The following ADAMTS2 variants were observed in gnomAD, a reference collection of about 807,000 sequenced individuals.
ADAMTS2 encodes A disintegrin and metalloproteinase with thrombospondin motifs 2.
Under a neutral mutation model 123.0 loss-of-function variants are expected in ADAMTS2, and 50 were observed. The ratio of observed to expected loss-of-function variants is 0.41; its 90% CI spans 0.32 to 0.51. ADAMTS2 has a LOEUF of 0.51. Ranked by LOEUF, ADAMTS2 falls within the 20% of genes least tolerant of loss-of-function variation. The pLI, the probability that ADAMTS2 is intolerant of heterozygous loss-of-function variation, is 0.35. For missense variants in ADAMTS2, 1,494 were observed against 1,705.2 expected (o/e 0.88, Z 2.18); for synonymous variants, 678 against 695.4 (o/e 0.98, Z 0.39).
At chr5:179,257,483 C>T (rs547412721) in intron 3 of ADAMTS2, among the ~76,000 whole-genome samples, 2 of 152,254 alleles carry the variant, frequency 1.3e-5, no homozygotes, top group Admixed American at 6.5e-5. Flanking sequence ...GGGGCTGCTC[C>T]GAACCCGGCG....
rs146575893 is a variant in ADAMTS2, at chr5:179,326,629, G to T, written c.534+17138C>A. Among the ~76,000 whole-genome samples, 385 of 152,262 alleles carry T rather than the reference G, an allele frequency of 2.5e-3. 2 individuals are homozygous for T. Among genetic ancestry groups the T allele is most frequent in the South Asian group, 8.9e-3 (43 of 4,828 alleles). On this transcript the variant is annotated intron_variant, in intron 2 of 21. Transcript: ENST00000251582. ...GCCATCAGGAAAATATGATCTTGTA[G>T]TAACAGGCCCTTCGCTGCTCAGTGC... is the stretch of plus-strand genomic sequence containing the variant.
chr5:179,163,946 G>A (rs1357616757), intron 5 of ADAMTS2, among the ~76,000 whole-genome samples: 1 of 152,112 alleles, frequency 6.6e-6, no homozygotes, highest in Admixed American at 6.5e-5. Context: ...ATGGGCACAG[G>A]GAGGGGAAGC....
intron 5 of ADAMTS2, among the ~76,000 whole-genome samples, chr5:179,179,328 A>G (rs891918460): frequency 2.0e-5 from 3 of 150,332 alleles, no homozygotes; most frequent in African/African-American, 7.4e-5. Flanking sequence ...CCCCACCCCT[A>G]CTTTTAGGCA....
Position 179,247,443 on chromosome 5 carries a change from A to AG in ADAMTS2, c.688+25467dup, listed in dbSNP as rs915402054. On this transcript the variant is annotated intron_variant, in intron 3 of 21. Coordinates refer to ENST00000251582, the MANE Select transcript of ADAMTS2 (RefSeq NM_014244.5). ...TTCAAGAAAGAGAATAGAGAAACAA[A>AG]GGGGCATAAAGAATGTTTGAAAAAA... Among the ~76,000 whole-genome samples the AG allele has an allele frequency of 4.4e-4, 67 of 152,298 alleles. 1 individual carries two copies. Among genetic ancestry groups the AG allele is most frequent in the African/African-American group, 1.6e-3 (66 of 41,576 alleles).
chr5:179,282,946 G>A (rs1233165448), intron 2 of ADAMTS2, among the ~76,000 whole-genome samples: 4 of 152,078 alleles, frequency 2.6e-5, no homozygotes, highest in Admixed American at 1.3e-4. Context: ...CTAACCAGGT[G>A]AGCCACTGTG....
chr5:179,338,214 G>C (rs1427133561), intron 2 of ADAMTS2, among the ~76,000 whole-genome samples: 1 of 152,132 alleles, frequency 6.6e-6, no homozygotes, highest in East Asian at 1.9e-4. Context: ...GCTGGGAGCC[G>C]GCTCCACTCT....
Position 179,273,046 on chromosome 5 carries a change from C to G in ADAMTS2, c.553G>C (p.Glu185Gln). Residue 185 changes from glutamate to glutamine, a missense_variant, in exon 3 of 22, where the codon GAG becomes CAG. Glu to Gln is a conservative substitution (Grantham distance 29). Transcript: ENST00000251582. ...CDGLAGLIRMEEEEFFIEPLE... is the reference protein window; with the variant it reads ...CDGLAGLIRMQEEEFFIEPLE... ...GGTTCGATGAAGAACTCCTCCTCCT[C>G]CATCCGGATCAGACCAGCCTGCGGG... is the stretch of plus-strand genomic sequence containing the variant. 1.9e-6 allele frequency: 3 copies of G among 1,613,626 alleles called. No individual in the cohort carries two copies. Among genetic ancestry groups the G allele is most frequent in the Non-Finnish European group, 2.5e-6 (3 of 1,180,046 alleles).
At chr5:179,168,734 T>C (rs1763760147) in intron 5 of ADAMTS2, among the ~76,000 whole-genome samples, 1 of 152,072 alleles carries the variant, frequency 6.6e-6, no homozygotes, top group South Asian at 2.1e-4. Context: ...AGGGACAAGG[T>C]CCCACCATCC....
chr5:179,277,170 A>G (rs988599518), intron 2 of ADAMTS2, among the ~76,000 whole-genome samples: 3 of 152,106 alleles, frequency 2.0e-5, no homozygotes, highest in Admixed American at 1.3e-4. Context: ...TTCCTCACAC[A>G]GCCAGAAGCC....
chr5:179,280,433 C>T (rs531874017), intron 2 of ADAMTS2, among the ~76,000 whole-genome samples: 2 of 152,194 alleles, frequency 1.3e-5, no homozygotes, highest in East Asian at 1.9e-4. Context: ...AGCTGGACTA[C>T]GTAACCTATG....
intron 3 of ADAMTS2, among the ~76,000 whole-genome samples, chr5:179,217,110 G>A (rs1051178510): frequency 1.3e-5 from 2 of 152,200 alleles, no homozygotes; most frequent in African/African-American, 4.8e-5. Context: ...GTGGAGTGAG[G>A]GGAGCTGGAA....
At chr5:179,265,070 T>G (rs1178372362) in intron 3 of ADAMTS2, among the ~76,000 whole-genome samples, 1 of 104,812 alleles carries the variant, frequency 9.5e-6, no homozygotes, top group South Asian at 3.2e-4. Context: ...AACTGCCCGC[T>G]GCCCACCCCA....
chr5:179,299,213 T>C (rs1756429099), intron 2 of ADAMTS2, among the ~76,000 whole-genome samples: 1 of 151,840 alleles, frequency 6.6e-6, no homozygotes, highest in Non-Finnish European at 1.5e-5. Context: ...CTGTAACAAA[T>C]TACTGCAAAT....
intron 12 of ADAMTS2, among the ~76,000 whole-genome samples, chr5:179,136,713 G>A (rs2113215995): frequency 6.6e-6 from 1 of 150,592 alleles, no homozygotes; most frequent in Admixed American, 6.6e-5. Context: ...GCTCATGCCT[G>A]TAATCCCAGC....
At position 179,299,530 on chromosome 5, in the gene ADAMTS2, A is replaced by AACACAC. The variant is rs3986821; in HGVS notation, c.535-26472_535-26467dup. The stretch of plus-strand genomic sequence containing the variant: ...GGCAACAGATCAAGACTCCAACTCA[A>AACACAC]ACACACACACACACACACACACACA... On this transcript the variant is annotated intron_variant, in intron 2 of 21. Coordinates refer to ENST00000251582, the MANE Select transcript of ADAMTS2 (RefSeq NM_014244.5). 5.6e-3 allele frequency among the ~76,000 whole-genome samples: 676 copies of AACACAC among 120,486 alleles called. 6 individuals carry two copies. Among genetic ancestry groups the AACACAC allele is most frequent in the South Asian group, 0.013 (40 of 3,094 alleles). 79.0% of individuals were successfully genotyped at this position (120,486 alleles called of 152,430 possible).
chr5:179,249,613 T>G (rs887239394), intron 3 of ADAMTS2, among the ~76,000 whole-genome samples: 1 of 152,134 alleles, frequency 6.6e-6, no homozygotes, highest in Admixed American at 6.5e-5. Flanking sequence ...AAGAGAATAT[T>G]ATGTACAATT....
At chr5:179,286,678 CG>C (rs1306762552) in intron 2 of ADAMTS2, among the ~76,000 whole-genome samples, 1 of 152,174 alleles carries the variant, frequency 6.6e-6, no homozygotes, top group Non-Finnish European at 1.5e-5. Context: ...CACAAAAGGT[CG>C]GGGCCGGCGC....
rs946290936 is a variant in ADAMTS2 at position 179,111,114 on chromosome 5, G to A, written c.*2753C>T. ...AACAGAAAAACCTTAAAATACAAAT[G>A]AAAGCCTTATACATGAAATTCCATG... is the stretch of plus-strand genomic sequence containing the variant. On this transcript the variant is annotated 3_prime_UTR_variant, in exon 22 of 22. Transcript: ENST00000251582. 2 of 152,176 alleles carry A rather than the reference G, an allele frequency of 1.3e-5. No homozygotes were observed. The highest frequency in any genetic ancestry group is 2.4e-5 in the African/African-American group (1 of 41,446). The allele number at this position is 152,176 out of a possible 1,614,324, so 9.4% of individuals were successfully genotyped here.
chr5:179,328,920 G>A lies in ADAMTS2; in HGVS notation c.534+14847C>T, dbSNP rs1757384263. 2.0e-5 allele frequency among the ~76,000 whole-genome samples: 3 copies of A among 152,072 alleles called. No homozygotes were observed. The South Asian group carries it at 6.2e-4, about 32-fold the overall frequency. On this transcript the variant is annotated intron_variant, in intron 2 of 21. Coordinates refer to ENST00000251582, the MANE Select transcript of ADAMTS2 (RefSeq NM_014244.5). ...ATTTGCTGAGGGCCTTCTGCAAAGG[G>A]GACACTACTTTAGGCATTTTTTTAA...
Sources: gnomAD v4.1 joint callset for allele counts (sites outside exome capture counted in the v4.1 genomes callset) on GRCh38, gnomAD v4.1.1 for gene constraint, MANE v1.5 for transcripts, NCBI Gene and HGNC (gene_info 2026-07-23, HGNC 2026-07-21) for gene names.